The following PER2 variants were observed in gnomAD, a reference collection of about 807,000 sequenced individuals.
The protein encoded by PER2 is period circadian regulator 2, also known as period circadian protein homolog 2.
A neutral mutation model predicts 121.0 loss-of-function variants in PER2; 66 were observed. That is an observed-to-expected ratio of 0.55 (90% CI 0.45 to 0.67). The LOEUF is 0.67. PER2 is among the 30% of genes least tolerant of loss of function. PER2 has a pLI of 0.00. For synonymous variants in PER2, 684 were observed against 659.9 expected (o/e 1.04, Z -0.56); for missense variants, 1,521 against 1,635.0 (o/e 0.93, Z 1.20).
rs968408118 is a variant in PER2, at chr2:238,260,138, G to A, written c.1543-85C>T. 4 of 685,498 alleles carry A rather than the reference G, an allele frequency of 5.8e-6. No individual in the cohort carries two copies. In the African/African-American group the frequency reaches 7.2e-5, roughly 12 times the overall value. The allele number at this position is 685,498 out of a possible 1,614,324, so 42.5% of individuals were successfully genotyped here. ...GGCAAAGTGAGAACAGAGGATGGCTGAAATAATTTCAGCAACACAGAAGGA... is the reference window on the plus strand; with the variant it reads ...GGCAAAGTGAGAACAGAGGATGGCTAAAATAATTTCAGCAACACAGAAGGA... On this transcript the variant is annotated intron_variant, in intron 13 of 22. Transcript: ENST00000254657.
At chr2:238,263,105 A>T (rs1233922972) in intron 9 of PER2, 47 bp from the exon 10 acceptor site, 1 of 1,119,916 alleles carries the variant, frequency 8.9e-7, no homozygotes, top group Non-Finnish European at 1.4e-6. Context: ...CAAACAGATG[A>T]GGAGATTGTC....
chr2:238,262,931 T>C (rs2106378643), intron 10 of PER2, 21 bp downstream of exon 10: 2 of 1,501,592 alleles, frequency 1.3e-6, no homozygotes, highest in Middle Eastern at 1.7e-4. Context: ...CTTCAGGATG[T>C]ACCATGAAAA....
At position 238,246,074 on chromosome 2, in the gene PER2, C is replaced by T. The variant is rs558092297; in HGVS notation, c.*301G>A. 9.1e-6 allele frequency: 2 copies of T among 220,788 alleles called. No individual in the cohort carries two copies. Among genetic ancestry groups the T allele is most frequent in the East Asian group, 9.9e-5 (1 of 10,126 alleles). 13.7% of individuals were successfully genotyped at this position (220,788 alleles called of 1,614,324 possible). A position where few individuals can be genotyped will look rare whatever the true frequency, so the allele number is the denominator to read the frequency against. On this transcript the variant is annotated 3_prime_UTR_variant, in exon 23 of 23. Transcript: ENST00000254657. ...ACTTCTGGGAGCACTGAGGCAACTTCCCTGACACTAAGAGGCGCTTAGTCT... is the reference window on the plus strand; with the variant it reads ...ACTTCTGGGAGCACTGAGGCAACTTTCCTGACACTAAGAGGCGCTTAGTCT...
the PER2 span, among the ~76,000 whole-genome samples, chr2:238,297,912 T>C: frequency 6.6e-6 from 1 of 152,210 alleles, no homozygotes. Flanking sequence ...GTGTCTGGCT[T>C]GCCTCGTGTG....
At chr2:238,282,664 T>C (rs1471973435) in intron 1 of PER2, among the ~76,000 whole-genome samples, 8 of 152,204 alleles carry the variant, frequency 5.3e-5, no homozygotes, top group East Asian at 1.9e-4. Context: ...ACTGACTGAC[T>C]TGCCCTTATT....
rs1696188567 is a variant in PER2, at chr2:238,268,675, C to A, written c.824+248G>T. Among the ~76,000 whole-genome samples, 1 of 152,210 alleles carries A rather than the reference C, an allele frequency of 6.6e-6. No individual in the cohort carries two copies. Among genetic ancestry groups the A allele is most frequent in the Non-Finnish European group, 1.5e-5 (1 of 68,022 alleles). On this transcript the variant is annotated intron_variant, in intron 7 of 22. Transcript: ENST00000254657. The surrounding 1 kb of genome is among the most constrained non-coding windows in gnomAD (Gnocchi z 4.0). The stretch of plus-strand genomic sequence containing the variant: ...AACTCTGTCGACCCTGGGGTACAGG[C>A]CTTTGCAAGACACAGAGAGAAAGTG...
chr2:238,255,242 G>A, intron 18 of PER2: 1 of 306,138 alleles, frequency 3.3e-6, no homozygotes, highest in South Asian at 3.1e-5. Context: ...CTCCTGGGGA[G>A]AAGGGCACCA....
the PER2 span, among the ~76,000 whole-genome samples, chr2:238,296,012 G>GAGTC: frequency 6.6e-6 from 1 of 151,816 alleles, no homozygotes; most frequent in Non-Finnish European, 1.5e-5. Flanking sequence ...TCCTGCTGCA[G>GAGTC]AGTCAGTCGT....
chr2:238,250,235 G>T (rs1439975201), intron 21 of PER2, among the ~76,000 whole-genome samples: 2 of 152,276 alleles, frequency 1.3e-5, no homozygotes, highest in African/African-American at 4.8e-5. Flanking sequence ...CAAAGCAAGA[G>T]ATGCTGGCAC....
At chr2:238,297,936 C>T in the PER2 span, among the ~76,000 whole-genome samples, 1 of 152,168 alleles carries the variant, frequency 6.6e-6, no homozygotes, top group African/African-American at 2.4e-5. Flanking sequence ...CATCAGGAAG[C>T]AGCAGCCAGC....
intron 22 of PER2, chr2:238,247,395 C>T (rs1293845357): frequency 6.6e-6 from 1 of 152,254 alleles, no homozygotes; most frequent in Non-Finnish European, 1.5e-5. Context: ...GGAAGCCGGT[C>T]CTCCAGCTGG....
intron 19 of PER2, 28 bp from the exon 20 acceptor site, chr2:238,251,789 G>C: frequency 8.7e-7 from 1 of 1,149,762 alleles, no homozygotes; most frequent in Admixed American, 1.9e-5. Flanking sequence ...AGATACTGCT[G>C]TTCAGGGGCT....
rs1040122025 is a variant in PER2 at position 238,277,754 on chromosome 2, A to G, written c.183T>C (p.Ser61=). 2 of 1,613,714 alleles carry G rather than the reference A, an allele frequency of 1.2e-6. No homozygotes were observed. Among genetic ancestry groups the G allele is most frequent in the African/African-American group, 2.7e-5 (2 of 74,780 alleles). The part of the protein sequence containing the change: ...RDSQGSDCDD[S]GKELGMLVEP... The stretch of plus-strand genomic sequence containing the variant: ...CCACCAGCATCCCCAGCTCCTTCCC[A>G]CTGTCGTCACAGTCACTGCCCTGCG... The change falls in exon 2 of 23, where the codon AGT becomes AGC. Residue 61 remains serine (S), a synonymous_variant. Coordinates refer to ENST00000254657, the MANE Select transcript of PER2 (RefSeq NM_022817.3).
At position 238,268,933 on chromosome 2, in the gene PER2, A is replaced by C. The variant is rs1214574042; in HGVS notation, c.814T>G (p.Cys272Gly). ...GGGAACCAGGCTTACCTGACACGGC[A>C]AAAGAAAGATTTCTCCTCCATGCAT... ...QECMEEKSFF[C>G]RVSVRKSHEN... Residue 272 changes from cysteine (C) to glycine (G), a missense_variant, in exon 7 of 23, where the codon TGC becomes GGC. Transcript: ENST00000254657. The surrounding 1 kb of genome is among the most constrained non-coding windows in gnomAD (Gnocchi z 4.0). 1.9e-6 allele frequency: 3 copies of C among 1,612,228 alleles called. No individual in the cohort carries two copies. Among genetic ancestry groups the C allele is most frequent in the Admixed American group, 1.7e-5 (1 of 60,002 alleles).
At chr2:238,275,974 A>G (rs966615745) in intron 3 of PER2, 77 bp from the exon 4 acceptor site, 4 of 1,467,946 alleles carry the variant, frequency 2.7e-6, no homozygotes, top group African/African-American at 2.8e-5. Flanking sequence ...CCTCTTGCCC[A>G]TTTTCTCAGC....
intron 6 of PER2, among the ~76,000 whole-genome samples, chr2:238,269,420 T>C (rs1410240507): frequency 3.8e-5 from 5 of 132,242 alleles, no homozygotes; most frequent in African/African-American, 1.1e-4. Context: ...CCAACTAACC[T>C]GCAACTGAAC....
chr2:238,291,125 G>T (rs1027956976), upstream of PER2, among the ~76,000 whole-genome samples: 1 of 152,232 alleles, frequency 6.6e-6, no homozygotes. Context: ...AGGCAGGCTG[G>T]CTAGGAGACA....
intron 1 of PER2, among the ~76,000 whole-genome samples, chr2:238,283,845 C>T (rs1696702178): frequency 6.6e-6 from 1 of 152,196 alleles, no homozygotes; most frequent in South Asian, 2.1e-4. Context: ...CCATCTCATC[C>T]CCACAGCCCT....
chr2:238,287,268 C>CA (rs921970668), intron 1 of PER2, among the ~76,000 whole-genome samples: 12 of 151,782 alleles, frequency 7.9e-5, no homozygotes, highest in African/African-American at 1.2e-4. Context: ...AGCTTCCACT[C>CA]AAAAAAAACG....
Sources: gnomAD v4.1 joint callset for allele counts (sites outside exome capture counted in the v4.1 genomes callset) on GRCh38, gnomAD v4.1.1 for gene constraint, Gnocchi (gnomAD v3.1) non-coding constraint, MANE v1.5 for transcripts, NCBI Gene and HGNC (gene_info 2026-07-23, HGNC 2026-07-21) for gene names.